The following ACACA variants were observed in gnomAD, a reference collection of about 807,000 sequenced individuals.
ACACA encodes acetyl-CoA carboxylase alpha, also known as acetyl-CoA carboxylase 1.
ACACA carries 103 observed loss-of-function variants against 296.1 expected under a neutral mutation model. The observed-to-expected ratio is 0.35, with a 90% CI of 0.30 to 0.41. The LOEUF (loss-of-function observed/expected upper bound fraction) is 0.41. Among genes scored for constraint, ACACA ranks in the 10% least tolerant of loss-of-function variants. The pLI is 1.00. For synonymous variants in ACACA, 953 were observed against 1,038.6 expected (o/e 0.92, Z 1.58); for missense variants, 1,554 against 2,989.7 (o/e 0.52, Z 11.20).
At chr17:37,248,749 T>C (rs932259352) in intron 16 of ACACA, 75 bp from the exon 17 acceptor site, 5 of 1,064,678 alleles carry the variant, frequency 4.7e-6, no homozygotes, top group African/African-American at 3.1e-5. Flanking sequence ...TTATTGATTG[T>C]AGCATTTCCT....
intron 3 of ACACA, among the ~76,000 whole-genome samples, chr17:37,318,203 A>T (rs2047183900): frequency 6.6e-6 from 1 of 152,144 alleles, no homozygotes; most frequent in Admixed American, 6.6e-5. Context: ...GAACCAATAG[A>T]TAGGAAGCAG....
At chr17:37,139,556 G>C (rs1445648214) in intron 45 of ACACA, among the ~76,000 whole-genome samples, 2 of 152,132 alleles carry the variant, frequency 1.3e-5, no homozygotes, top group Non-Finnish European at 2.9e-5. Flanking sequence ...CCAAATCTTA[G>C]GCCCAATGAG....
chr17:37,234,870 A>C, intron 25 of ACACA, 105 bp downstream of exon 25: 6 of 1,308,772 alleles, frequency 4.6e-6, no homozygotes, highest in Non-Finnish European at 6.5e-6. Context: ...TCCCATAATT[A>C]TAAAAGGCAG....
intron 52 of ACACA, among the ~76,000 whole-genome samples, chr17:37,106,287 C>G (rs1244067927): frequency 6.6e-6 from 1 of 152,136 alleles, no homozygotes; most frequent in African/African-American, 2.4e-5. Flanking sequence ...ATGAGGAACC[C>G]TGCAGTGAAT....
rs1476660345 is a variant in ACACA at position 37,188,618 on chromosome 17, G to A, written c.4573-138C>T. On this transcript the variant is annotated intron_variant, in intron 38 of 55. Coordinates refer to ENST00000616317, the MANE Select transcript of ACACA (RefSeq NM_198834.3). ...TGGAGATGCACACCTTACAAAAAGT[G>A]GTCAGATAGTTTCTCCCCAAACTAT... The A allele has an allele frequency of 5.8e-6, 5 of 863,748 alleles. No homozygotes were observed. The Admixed American group carries it at 1.1e-4, about 20-fold the overall frequency. The allele number at this position is 863,748 out of a possible 1,614,324, so 53.5% of individuals were successfully genotyped here. A position where few individuals can be genotyped will look rare whatever the true frequency, so the allele number is the denominator to read the frequency against.
At chr17:37,396,498 C>A (rs2051086171) in intron 1 of ACACA, among the ~76,000 whole-genome samples, 1 of 152,140 alleles carries the variant, frequency 6.6e-6, no homozygotes, top group Non-Finnish European at 1.5e-5. Flanking sequence ...TAACATCCTT[C>A]CTTTTCTGTA....
intron 1 of ACACA, among the ~76,000 whole-genome samples, chr17:37,370,625 C>T (rs910294422): frequency 1.3e-5 from 2 of 151,390 alleles, no homozygotes; most frequent in Non-Finnish European, 2.9e-5. Flanking sequence ...CCACTGCACT[C>T]CAGCCTGGGT....
chr17:37,201,583 A>G (rs1162777482), intron 33 of ACACA, among the ~76,000 whole-genome samples: 1 of 147,796 alleles, frequency 6.8e-6, no homozygotes, highest in African/African-American at 2.4e-5. Context: ...GAATTAAGTA[A>G]AAGACATGTG....
chr17:37,309,841 C>T (rs1311457027), intron 3 of ACACA, among the ~76,000 whole-genome samples: 1 of 151,772 alleles, frequency 6.6e-6, no homozygotes, highest in Non-Finnish European at 1.5e-5. Flanking sequence ...CACTTGAGTC[C>T]GAGACTTTGA....
intron 29 of ACACA, among the ~76,000 whole-genome samples, chr17:37,216,960 AGT>A (rs2079026840): frequency 6.6e-6 from 1 of 152,080 alleles, no homozygotes; most frequent in South Asian, 2.1e-4. Flanking sequence ...TGGGAATTAT[AGT>A]AAGAGGAGTT....
chr17:37,275,833 A>G (rs2082264583), intron 8 of ACACA, 118 bp downstream of exon 8: 1 of 865,510 alleles, frequency 1.2e-6, no homozygotes, highest in Admixed American at 1.7e-5. Flanking sequence ...GGTACCATTA[A>G]TCAACCAGTA....
At chr17:37,098,011 C>T (rs1458738261) in intron 52 of ACACA, 27 bp from the exon 53 acceptor site, 3 of 1,613,988 alleles carry the variant, frequency 1.9e-6, no homozygotes, top group African/African-American at 1.3e-5. Flanking sequence ...ATGCCCGTCA[C>T]ACTCTGTAAT....
intron 3 of ACACA, 57 bp downstream of exon 3, chr17:37,330,116 T>C: frequency 1.2e-6 from 2 of 1,606,362 alleles, no homozygotes; most frequent in South Asian, 1.1e-5. Flanking sequence ...TTTCAGAACA[T>C]AATCAGCAAA....
chr17:37,108,493 A>C (rs1567669311), intron 52 of ACACA, among the ~76,000 whole-genome samples: 2 of 151,736 alleles, frequency 1.3e-5, no homozygotes, highest in Non-Finnish European at 2.9e-5. Context: ...GGTTCAAGCG[A>C]TTCTCCTGCC....
intron 50 of ACACA, among the ~76,000 whole-genome samples, chr17:37,119,012 A>G (rs2074390657): frequency 6.6e-6 from 1 of 152,226 alleles, no homozygotes; most frequent in Non-Finnish European, 1.5e-5. Context: ...GACACTCTGA[A>G]GTAATGTCAG....
At chr17:37,205,941 A>G (rs1171074692) in intron 32 of ACACA, 69 bp from the exon 33 acceptor site, 3 of 1,302,026 alleles carry the variant, frequency 2.3e-6, no homozygotes, top group East Asian at 2.3e-5. Flanking sequence ...AGAAGTTATA[A>G]TATTTGGTAG....
intron 9 of ACACA, among the ~76,000 whole-genome samples, chr17:37,272,896 A>T (rs1174871038): frequency 6.6e-6 from 1 of 152,114 alleles, no homozygotes; most frequent in Admixed American, 6.5e-5. Flanking sequence ...GTTAATGGGC[A>T]TTATCTTTGG....
chr17:37,263,561 G>C, intron 11 of ACACA, 124 bp downstream of exon 11: 2 of 871,656 alleles, frequency 2.3e-6, no homozygotes, highest in Non-Finnish European at 3.7e-6. Flanking sequence ...CTAAGAAAAG[G>C]ATATAATTTT....
At chr17:37,250,740 G>C (rs762300801) in intron 16 of ACACA, among the ~76,000 whole-genome samples, 3 of 151,788 alleles carry the variant, frequency 2.0e-5, no homozygotes, top group Non-Finnish European at 4.4e-5. Flanking sequence ...TAAAAAGGCC[G>C]GGCAGCCGGG....
Sources: gnomAD v4.1 joint callset for allele counts (sites outside exome capture counted in the v4.1 genomes callset) on GRCh38, gnomAD v4.1.1 for gene constraint, MANE v1.5 for transcripts, NCBI Gene and HGNC (gene_info 2026-07-23, HGNC 2026-07-21) for gene names.